The following ZNF75D variants were observed in gnomAD, a reference collection of about 807,000 sequenced individuals.
ZNF75D encodes zinc finger protein 75D.
A neutral mutation model predicts 33.3 loss-of-function variants in ZNF75D; 33 were observed. The observed-to-expected ratio is 0.99, with a 90% CI of 0.75 to 1.32. ZNF75D has a LOEUF of 1.32. ZNF75D is among the 40% of genes most tolerant of loss of function. ZNF75D has a pLI of 0.00. For synonymous variants in ZNF75D, 113 were observed against 130.6 expected (o/e 0.87, Z 0.92); for missense variants, 338 against 367.5 (o/e 0.92, Z 0.66).
chrX:135,291,340 G>A (rs2084035282), intron 5 of ZNF75D, 132 bp downstream of exon 5: 2 of 853,368 alleles, frequency 2.3e-6, no homozygotes. Context: ...GCCAAGCCTA[G>A]TTGCCTAGAG....
chrX:135,317,039 C>T (rs1346000093), intron 1 of ZNF75D, among the ~76,000 whole-genome samples: 2 of 110,750 alleles, frequency 1.8e-5, no homozygotes, highest in African/African-American at 6.6e-5. Context: ...CTTGCTTTTT[C>T]GTGTTTCCTG....
intron 1 of ZNF75D, among the ~76,000 whole-genome samples, chrX:135,315,891 T>C (rs1342153475): frequency 8.9e-6 from 1 of 111,878 alleles, no homozygotes; most frequent in Non-Finnish European, 1.9e-5. Context: ...ACCCAGTCCA[T>C]ATTTTTAAGT....
chrX:135,341,686 A>G (rs2148499599), intron 1 of ZNF75D, 82 bp downstream of exon 1: 1 of 112,544 alleles, frequency 8.9e-6, no homozygotes, highest in South Asian at 3.7e-4. Flanking sequence ...ACCAAGAGCA[A>G]TACCATACTC....
rs1366276200 is a variant in ZNF75D, at chrX:135,286,014, G to T, written c.*1123C>A. On this transcript the variant is annotated 3_prime_UTR_variant, in exon 7 of 7. Transcript: ENST00000370766. ...TAGTCACTTTGGCTAATAGGGAAAAGAAAACCAGTAACATCAGAAAACAAT... is the reference window on the plus strand; with the variant it reads ...TAGTCACTTTGGCTAATAGGGAAAATAAAACCAGTAACATCAGAAAACAAT... 4 of 112,181 alleles carry T rather than the reference G, an allele frequency of 3.6e-5. No homozygotes were observed. The Admixed American group carries it at 3.8e-4, about 11-fold the overall frequency. 9.2% of individuals were successfully genotyped at this position (112,181 alleles called of 1,213,427 possible).
chrX:135,319,497 C>T (rs2148487296), intron 1 of ZNF75D, among the ~76,000 whole-genome samples: 2 of 111,640 alleles, frequency 1.8e-5, no homozygotes, highest in South Asian at 7.6e-4. Context: ...GGCTTCCAGG[C>T]CAGGGTAGAA....
intron 1 of ZNF75D, among the ~76,000 whole-genome samples, chrX:135,317,058 C>T (rs1296496151): frequency 9.0e-6 from 1 of 111,234 alleles, no homozygotes; most frequent in African/African-American, 3.3e-5. Context: ...TGCGTCCTTA[C>T]ATTGATACTT....
downstream of ZNF75D, among the ~76,000 whole-genome samples, chrX:135,284,418 G>A (rs549106350): frequency 4.5e-5 from 5 of 111,710 alleles, no homozygotes; most frequent in African/African-American, 1.6e-4. Flanking sequence ...CAGGATGCAC[G>A]GGGAATGTGG....
downstream of ZNF75D, among the ~76,000 whole-genome samples, chrX:135,283,882 T>C (rs988625898): frequency 6.3e-5 from 7 of 111,717 alleles, no homozygotes; most frequent in Non-Finnish European, 1.3e-4. Context: ...CTTGACCCAC[T>C]CACATGCTCT....
At chrX:135,275,663 TATATA>T (rs1332241150) in intron 1 of ZNF75D, among the ~76,000 whole-genome samples, 5 of 110,448 alleles carry the variant, frequency 4.5e-5, no homozygotes, top group African/African-American at 1.6e-4. Context: ...TACATATGTA[TATATA>T]ATATATTTAT....
At chrX:135,333,092 GAGAGAGAGAGAGGC>G (rs2084669821) in intron 1 of ZNF75D, among the ~76,000 whole-genome samples, 1 of 111,765 alleles carries the variant, frequency 8.9e-6, no homozygotes, top group African/African-American at 3.3e-5. Context: ...CTGGCAGAGA[GAGAGAGAGAGAGGC>G]AGAGAGAGAG....
At chrX:135,277,349 G>A (rs2083903028) in intron 1 of ZNF75D, among the ~76,000 whole-genome samples, 1 of 111,591 alleles carries the variant, frequency 9.0e-6, no homozygotes, top group Non-Finnish European at 1.9e-5. Context: ...TTTTTTTCTT[G>A]TAAATTTGTT....
At position 135,287,705 on chromosome X, in the gene ZNF75D, T is replaced by C; in HGVS notation, c.965A>G (p.Asp322Gly). 1.6e-6 allele frequency: 2 copies of C among 1,212,179 alleles called. No homozygotes were observed. Among genetic ancestry groups the C allele is most frequent in the Non-Finnish European group, 2.2e-6 (2 of 895,510 alleles). Reference sequence around the variant, plus strand: ...ATGCCATTTCTGTACACTGTGTGTATCACCAGGATTTTCCCTGCCCATTGT... The same window carrying C: ...ATGCCATTTCTGTACACTGTGTGTACCACCAGGATTTTCCCTGCCCATTGT... ...QKTMGRENPGDTHSVQKWHRA... is the reference protein window; with the variant it reads ...QKTMGRENPGGTHSVQKWHRA... Residue 322 changes from aspartate to glycine, a missense_variant, in exon 7 of 7, where the codon GAT (aspartate) becomes GGT (glycine). By Grantham distance (94) the Asp-to-Gly change is moderately conservative (BLOSUM62 -1). This residue lies in a region of ZNF75D where 254 missense variants were observed against 267.7 expected (regional missense o/e 0.95). Coordinates refer to ENST00000370766, the MANE Select transcript of ZNF75D (RefSeq NM_007131.5).
chrX:135,253,129 G>T, intron 2 of ZNF75D: 1 of 262,968 alleles, frequency 3.8e-6, no homozygotes, highest in Non-Finnish European at 6.6e-6. Flanking sequence ...TGTGTGTATG[G>T]GGGTGTGTGT....
rs371652228 is a variant in ZNF75D at position 135,290,992 on chromosome X, G to A, written c.823+17C>T. On this transcript the variant is annotated intron_variant, in intron 6 of 6. Coordinates refer to ENST00000370766, the MANE Select transcript of ZNF75D (RefSeq NM_007131.5). ...ATATTACTTAACTTCTACACAATGG[G>A]AAGGAAGAATCTTTACCTAGAGAGA... is the stretch of plus-strand genomic sequence containing the variant. 2.5e-6 allele frequency: 3 copies of A among 1,201,046 alleles called. No homozygotes were observed. Among genetic ancestry groups the A allele is most frequent in the Non-Finnish European group, 3.4e-6 (3 of 888,233 alleles).
chrX:135,307,452 C>T (rs1556426019), intron 1 of ZNF75D, among the ~76,000 whole-genome samples: 1 of 111,635 alleles, frequency 9.0e-6, no homozygotes, highest in Non-Finnish European at 1.9e-5. Context: ...AAGCCCTGTC[C>T]TCACCGTTAT....
At chrX:135,257,964 C>T (rs1052759814) in intron 1 of ZNF75D, among the ~76,000 whole-genome samples, 1 of 100,657 alleles carries the variant, frequency 9.9e-6, no homozygotes, top group Non-Finnish European at 2.1e-5. Context: ...CTCCCGGAGC[C>T]CCCCCACCAC....
At chrX:135,337,634 G>A (rs1462081094) in intron 1 of ZNF75D, among the ~76,000 whole-genome samples, 2 of 111,564 alleles carry the variant, frequency 1.8e-5, no homozygotes, top group Non-Finnish European at 3.8e-5. Flanking sequence ...CCCACATGTA[G>A]GTGGCAGGAA....
intron 1 of ZNF75D, among the ~76,000 whole-genome samples, chrX:135,276,713 A>G (rs2083900560): frequency 9.4e-6 from 1 of 106,197 alleles, no homozygotes; most frequent in African/African-American, 3.5e-5. Context: ...TCATTGTTCA[A>G]CTCCCACTTA....
intron 1 of ZNF75D, among the ~76,000 whole-genome samples, chrX:135,277,275 CATAA>C (rs1415914312): frequency 2.7e-5 from 3 of 112,509 alleles, no homozygotes; most frequent in Admixed American, 9.4e-5. Context: ...TTGTTGGCCG[CATAA>C]ATGTCTTCTT....
Sources: allele counts gnomAD v4.1 joint callset (sites outside exome capture counted in the v4.1 genomes callset), GRCh38; gene constraint gnomAD v4.1.1; regional missense constraint gnomAD v4.1.1; transcripts MANE v1.5; gene names NCBI Gene and HGNC (gene_info 2026-07-23, HGNC 2026-07-21).